Variants in ZDHHC20 observed in about 807,000 individuals in gnomAD.
The protein encoded by ZDHHC20 is palmitoyltransferase ZDHHC20.
Under a neutral mutation model 57.8 loss-of-function variants are expected in ZDHHC20, and 43 were observed. The observed-to-expected ratio is 0.74, with a 90% CI of 0.58 to 0.96. ZDHHC20 has a LOEUF of 0.96. Among genes scored for constraint, ZDHHC20 ranks in the 40% least tolerant of loss-of-function variants. The pLI is 0.00. For missense variants in ZDHHC20, 391 were observed against 441.1 expected, an observed-to-expected ratio of 0.89 and a Z score of 1.02; for synonymous variants, 157 against 153.0, an observed-to-expected ratio of 1.03 and a Z score of -0.19.
chr13:21,406,772 T>TC (rs1878508701), intron 4 of ZDHHC20, among the ~76,000 whole-genome samples: 1 of 152,212 alleles, frequency 6.6e-6, no homozygotes, highest in Non-Finnish European at 1.5e-5. Flanking sequence ...ATTTTCTTTA[T>TC]CCAGTCTATC....
intron 1 of ZDHHC20, among the ~76,000 whole-genome samples, chr13:21,434,796 A>G (rs1882376651): frequency 6.7e-6 from 1 of 150,296 alleles, no homozygotes; most frequent in African/African-American, 2.5e-5. Flanking sequence ...TTTTTAAAGC[A>G]TTGCACAATA....
chr13:21,453,302 G>A (rs952707404), intron 1 of ZDHHC20, among the ~76,000 whole-genome samples: 18 of 152,172 alleles, frequency 1.2e-4, no homozygotes, highest in Non-Finnish European at 1.6e-4. Flanking sequence ...TAATTACACA[G>A]ATGTAAAATA....
chr13:21,424,449 C>T (rs1403635699), intron 2 of ZDHHC20, among the ~76,000 whole-genome samples: 1 of 152,158 alleles, frequency 6.6e-6, no homozygotes, highest in Non-Finnish European at 1.5e-5. Flanking sequence ...GTGGCTCACG[C>T]CTATAATCCC....
At chr13:21,400,236 G>A in intron 7 of ZDHHC20, 137 bp downstream of exon 7, 1 of 771,466 alleles carries the variant, frequency 1.3e-6, no homozygotes, top group Middle Eastern at 4.1e-4. Context: ...AGCCCTATCT[G>A]TCCTCTGATG....
intron 1 of ZDHHC20, among the ~76,000 whole-genome samples, chr13:21,438,974 A>AT (rs1262551325): frequency 6.6e-6 from 1 of 152,208 alleles, no homozygotes; most frequent in Non-Finnish European, 1.5e-5. Flanking sequence ...AGCAAAAAGT[A>AT]TTTTTTAAAG....
intron 1 of ZDHHC20, among the ~76,000 whole-genome samples, chr13:21,430,719 C>G (rs1881813556): frequency 6.6e-6 from 1 of 151,894 alleles, no homozygotes; most frequent in South Asian, 2.1e-4. Flanking sequence ...TTGTTTTGGT[C>G]TGTATTCATT....
At chr13:21,382,154 T>C (rs1873544228) in intron 10 of ZDHHC20, among the ~76,000 whole-genome samples, 1 of 152,236 alleles carries the variant, frequency 6.6e-6, no homozygotes, top group Admixed American at 6.5e-5. Flanking sequence ...ATCATTATCC[T>C]AATTTTATAG....
intron 2 of ZDHHC20, among the ~76,000 whole-genome samples, chr13:21,422,948 T>C (rs1457163142): frequency 6.6e-5 from 10 of 152,176 alleles, no homozygotes; most frequent in Non-Finnish European, 1.5e-4. Context: ...CTAGAAGGCA[T>C]ATAATCTATG....
chr13:21,455,633 G>GGT (rs3070118), intron 1 of ZDHHC20, among the ~76,000 whole-genome samples: 12,227 of 148,030 alleles, frequency 0.083, 561 homozygotes, highest in East Asian at 0.16. Context: ...CCAGTGAAGT[G>GGT]GTGTGTGTGT....
At chr13:21,451,869 C>T (rs1331577429) in intron 1 of ZDHHC20, among the ~76,000 whole-genome samples, 2 of 151,988 alleles carry the variant, frequency 1.3e-5, no homozygotes, top group African/African-American at 4.8e-5. Context: ...CGGCACACAC[C>T]TGTAGTCCCA....
intron 4 of ZDHHC20, 93 bp from the exon 5 acceptor site, chr13:21,402,959 G>A: frequency 8.8e-6 from 8 of 911,404 alleles, no homozygotes; most frequent in Middle Eastern, 2.7e-4. Context: ...AATAACTCTG[G>A]GTAATTGATA....
Position 21,444,093 on chromosome 13 carries a change from T to G in ZDHHC20, c.118+14961A>C, listed in dbSNP as rs186743677. ...ATTGCTTGAACCCGGGAGGTGGGGG[T>G]TGCAGGGAGCTGAGATTGTGCCACT... On this transcript the variant is annotated intron_variant, in intron 1 of 12. Transcript: ENST00000400590. Among the ~76,000 whole-genome samples, 380 of 152,180 alleles carry G rather than the reference T, an allele frequency of 2.5e-3. 2 individuals are homozygous for G. The highest frequency in any genetic ancestry group is 0.014 in the Middle Eastern group (4 of 294).
At chr13:21,396,359 T>G (rs1876784877) in intron 7 of ZDHHC20, among the ~76,000 whole-genome samples, 1 of 151,466 alleles carries the variant, frequency 6.6e-6, no homozygotes, top group Non-Finnish European at 1.5e-5. Flanking sequence ...TCCTCCAAAA[T>G]CAGAGATTTA....
At chr13:21,422,755 A>C (rs1226737287) in intron 2 of ZDHHC20, among the ~76,000 whole-genome samples, 1 of 152,056 alleles carries the variant, frequency 6.6e-6, no homozygotes, top group East Asian at 1.9e-4. Context: ...CCTTGCTTCC[A>C]ATCCATCTCA....
At chr13:21,401,820 A>T in intron 5 of ZDHHC20, 135 bp from the exon 6 acceptor site, 1 of 737,080 alleles carries the variant, frequency 1.4e-6, no homozygotes, top group East Asian at 2.9e-5. Context: ...AAACTAGGTT[A>T]GAGATAATTT....
chr13:21,440,052 G>T (rs552371762), intron 1 of ZDHHC20, among the ~76,000 whole-genome samples: 145 of 124,114 alleles, frequency 1.2e-3, no homozygotes, highest in Admixed American at 1.6e-3. Flanking sequence ...GGGCGACAGA[G>T]TAAGACTGTT....
chr13:21,455,161 C>T (rs546366326), intron 1 of ZDHHC20, among the ~76,000 whole-genome samples: 24 of 152,220 alleles, frequency 1.6e-4, no homozygotes, highest in East Asian at 3.9e-4. Context: ...CCTCGTGATC[C>T]GCCTGCCTTG....
chr13:21,402,235 C>A lies in ZDHHC20; in HGVS notation c.441-550G>T, dbSNP rs1877742564. On this transcript the variant is annotated intron_variant, in intron 5 of 12. Coordinates refer to ENST00000400590, the MANE Select transcript of ZDHHC20 (RefSeq NM_001330059.2). ...GAGGAAATAAGTCAAAATATTAACA[C>A]TGATGGGCTTGGAGATGGTTATTTT... Among the ~76,000 whole-genome samples the A allele has an allele frequency of 2.0e-5, 3 of 152,166 alleles. No individual in the cohort carries two copies. The South Asian group carries it at 6.2e-4, about 32-fold the overall frequency.
At chr13:21,405,835 A>G (rs1300071479) in intron 4 of ZDHHC20, among the ~76,000 whole-genome samples, 1 of 152,244 alleles carries the variant, frequency 6.6e-6, no homozygotes, top group Non-Finnish European at 1.5e-5. Flanking sequence ...AAATTTTAAA[A>G]GCAGAATCCC....
Sources: allele counts gnomAD v4.1 joint callset (sites outside exome capture counted in the v4.1 genomes callset), GRCh38; gene constraint gnomAD v4.1.1; transcripts MANE v1.5; gene names NCBI Gene and HGNC (gene_info 2026-07-23, HGNC 2026-07-21).